The following DRICH1 variants were observed in gnomAD, a reference collection of about 807,000 sequenced individuals.
DRICH1 encodes the protein aspartate-rich protein 1.
In DRICH1, 38 loss-of-function variants were observed where a neutral mutation model predicts 39.5. The ratio of observed to expected loss-of-function variants is 0.96; its 90% CI spans 0.74 to 1.26. The LOEUF (loss-of-function observed/expected upper bound fraction) is 1.26, where lower values mean the gene tolerates loss of function less well. Among genes scored for constraint, DRICH1 ranks in the 50% most tolerant of loss-of-function variants. The pLI is 0.00. For missense variants in DRICH1, 279 were observed against 270.4 expected (o/e 1.03, Z -0.22); for synonymous variants, 84 against 99.5 (o/e 0.84, Z 0.93).
At chr22:23,613,996 T>C (rs867886400) in intron 9 of DRICH1, 139 bp downstream of exon 9, 6 of 661,622 alleles carry the variant, frequency 9.1e-6, no homozygotes, top group African/African-American at 3.7e-5. Flanking sequence ...GACACTCCTA[T>C]GGAATTCCAG....
downstream of DRICH1, among the ~76,000 whole-genome samples, chr22:23,604,025 C>T (rs1926604680): frequency 6.6e-6 from 1 of 152,164 alleles, no homozygotes; most frequent in Non-Finnish European, 1.5e-5. Flanking sequence ...CTCCTGTTCC[C>T]CCTTCTCCTG....
At chr22:23,581,048 T>C in the DRICH1 span, 1 of 152,188 alleles carries the variant, frequency 6.6e-6, no homozygotes, top group East Asian at 1.9e-4. Context: ...TGCAAAATGA[T>C]TAAATCAAGC....
intron 1 of DRICH1, among the ~76,000 whole-genome samples, chr22:23,628,184 G>A (rs1928182127): frequency 6.6e-6 from 1 of 152,220 alleles, no homozygotes; most frequent in Non-Finnish European, 1.5e-5. Context: ...TGAGCTCATG[G>A]TGCACTGGAA....
the DRICH1 span, among the ~76,000 whole-genome samples, chr22:23,588,967 C>T: frequency 6.6e-6 from 1 of 152,082 alleles, no homozygotes; most frequent in African/African-American, 2.4e-5. Context: ...CAACATCATG[C>T]TTCTGCCGAA....
chr22:23,592,657 C>A, the DRICH1 span, among the ~76,000 whole-genome samples: 7 of 152,032 alleles, frequency 4.6e-5, no homozygotes, highest in Non-Finnish European at 1.0e-4. Context: ...ATATTGGGCA[C>A]CTCTGGGGCG....
At chr22:23,597,396 A>G in the DRICH1 span, among the ~76,000 whole-genome samples, 1 of 142,312 alleles carries the variant, frequency 7.0e-6, no homozygotes, top group Non-Finnish European at 1.5e-5. Flanking sequence ...GCGGCCACTC[A>G]GGAAGCTAAG....
chr22:23,605,621 C>T (rs1329627214), downstream of DRICH1, among the ~76,000 whole-genome samples: 3 of 150,648 alleles, frequency 2.0e-5, no homozygotes, highest in Non-Finnish European at 4.5e-5. Context: ...CCCCTGCCTC[C>T]ATTCCCACCC....
chr22:23,631,948 A>G lies in DRICH1; in HGVS notation c.76T>C (p.Ser26Pro). ...PRGKDAPCYESDTDIYETVAA... is the reference protein window; with the variant it reads ...PRGKDAPCYEPDTDIYETVAA... ...ACAGTCTCATAAATATCAGTATCAG[A>G]TTCATAACAGGGTGCGTCCTTCCCC... Residue 26 changes from serine (S) to proline (P), a missense_variant, in exon 1 of 12, where the codon TCT (serine) becomes CCT (proline). Transcript: ENST00000317749. 1 of 1,613,782 alleles carries G rather than the reference A, an allele frequency of 6.2e-7. No homozygotes were observed.
intron 8 of DRICH1, 143 bp from the exon 9 acceptor site, chr22:23,614,357 A>T (rs2123768116): frequency 1.6e-6 from 1 of 644,370 alleles, no homozygotes; most frequent in East Asian, 2.8e-5. Flanking sequence ...CCTGAGTGGA[A>T]GAGGGATGGC....
the DRICH1 span, among the ~76,000 whole-genome samples, chr22:23,581,904 C>T: frequency 6.8e-6 from 1 of 147,858 alleles, no homozygotes; most frequent in African/African-American, 2.5e-5. Context: ...GCGCCTGGCC[C>T]ATCTTGACCA....
intron 11 of DRICH1, among the ~76,000 whole-genome samples, chr22:23,609,070 G>A (rs186596522): frequency 9.9e-4 from 151 of 152,290 alleles, no homozygotes; most frequent in Middle Eastern, 3.4e-3. Flanking sequence ...AACTGCTGTC[G>A]GGAGAGGTAT....
At position 23,613,281 on chromosome 22, in the gene DRICH1, T is replaced by C. The variant is rs780323906; in HGVS notation, c.685+8A>G. 2 of 1,611,388 alleles carry C rather than the reference T, an allele frequency of 1.2e-6. No individual in the cohort carries two copies. The highest frequency in any genetic ancestry group is 1.7e-6 in the Non-Finnish European group (2 of 1,178,420). On this transcript the variant is annotated splice_region_variant and intron_variant, in intron 11 of 11. Coordinates refer to ENST00000317749, the MANE Select transcript of DRICH1 (RefSeq NM_016449.4). ...CCATTGGGTTTTTGCTGGCACGTAG[T>C]TCCCTACCTGGATGAATCTCTTCAT...
At chr22:23,614,897 C>CTTT (rs1319207011) in intron 8 of DRICH1, among the ~76,000 whole-genome samples, 1 of 152,322 alleles carries the variant, frequency 6.6e-6, no homozygotes, top group East Asian at 1.9e-4. Flanking sequence ...AGAGCCTGCT[C>CTTT]TAACTATACC....
intron 6 of DRICH1, among the ~76,000 whole-genome samples, chr22:23,618,806 T>G (rs1371393129): frequency 6.6e-6 from 1 of 152,128 alleles, no homozygotes; most frequent in Admixed American, 6.6e-5. Flanking sequence ...GGGGGTGATT[T>G]TTGGTTAACT....
At chr22:23,619,219 A>T in intron 6 of DRICH1, 145 bp downstream of exon 6, 1 of 610,088 alleles carries the variant, frequency 1.6e-6, no homozygotes, top group South Asian at 1.9e-5. Context: ...TATATTAGTC[A>T]TGTTAAATCT....
chr22:23,599,886 C>G, the DRICH1 span, among the ~76,000 whole-genome samples: 1 of 152,174 alleles, frequency 6.6e-6, no homozygotes, highest in Non-Finnish European at 1.5e-5. Flanking sequence ...TGCCACAGCC[C>G]CCTTCTCCCA....
downstream of DRICH1, among the ~76,000 whole-genome samples, chr22:23,605,959 A>C (rs945778236): frequency 6.6e-6 from 1 of 151,806 alleles, no homozygotes; most frequent in Admixed American, 6.6e-5. Flanking sequence ...CTGTGAGCCC[A>C]GCTACTTGGG....
chr22:23,597,503 A>AC, the DRICH1 span, among the ~76,000 whole-genome samples: 1 of 38,394 alleles, frequency 2.6e-5, no homozygotes. Context: ...ACCCTGTCTC[A>AC]AAAAAAAAAA....
intron 8 of DRICH1, 115 bp from the exon 9 acceptor site, chr22:23,614,329 T>A (rs939057788): frequency 2.7e-6 from 2 of 740,938 alleles, no homozygotes; most frequent in African/African-American, 3.5e-5. Flanking sequence ...ATGGACTGAG[T>A]TGATGCTGGG....
Sources: gnomAD v4.1 joint callset for allele counts (sites outside exome capture counted in the v4.1 genomes callset) on GRCh38, gnomAD v4.1.1 for gene constraint, MANE v1.5 for transcripts, NCBI Gene and HGNC (gene_info 2026-07-23, HGNC 2026-07-21) for gene names.